Variants in HIVEP3 observed in about 807,000 individuals in gnomAD.
HIVEP3 encodes the protein transcription factor HIVEP3.
Under a neutral mutation model 152.8 loss-of-function variants are expected in HIVEP3, and 49 were observed. The observed-to-expected ratio is 0.32, with a 90% CI of 0.26 to 0.41. The LOEUF (loss-of-function observed/expected upper bound fraction) is 0.41. HIVEP3 is among the 10% of genes least tolerant of loss of function. The pLI is 1.00. For missense variants in HIVEP3, 2,790 were observed against 3,103.3 expected (o/e 0.90, Z 2.40); for synonymous variants, 1,269 against 1,289.0 (o/e 0.98, Z 0.33).
At chr1:41,978,773 G>C (rs4660592) in intron 1 of HIVEP3, among the ~76,000 whole-genome samples, 70,590 of 151,838 alleles carry the variant, frequency 0.46, 17,140 homozygotes, top group East Asian at 0.71. Flanking sequence ...GAGAAGCATG[G>C]GAGCCTTCCT....
intron 1 of HIVEP3, among the ~76,000 whole-genome samples, chr1:41,944,468 C>A (rs1645064167): frequency 6.6e-6 from 1 of 152,176 alleles, no homozygotes; most frequent in Non-Finnish European, 1.5e-5. Flanking sequence ...TACCTACACT[C>A]TCTCTGAAAC....
intron 1 of HIVEP3, among the ~76,000 whole-genome samples, chr1:41,701,414 G>A (rs150059126): frequency 7.5e-4 from 114 of 152,334 alleles, no homozygotes; most frequent in African/African-American, 2.4e-3. Flanking sequence ...AAATTGTTAG[G>A]TGTTGGTATC....
chr1:41,619,084 G>A (rs1291852205), intron 3 of HIVEP3, among the ~76,000 whole-genome samples: 1 of 151,886 alleles, frequency 6.6e-6, no homozygotes, highest in African/African-American at 2.4e-5. Context: ...GGCCTCCCAG[G>A]GCTTCTGGAT....
chr1:41,775,691 T>C (rs7550662), intron 1 of HIVEP3, among the ~76,000 whole-genome samples: 5,229 of 152,182 alleles, frequency 0.034, 303 homozygotes, highest in African/African-American at 0.12. Flanking sequence ...GGTTTCACCA[T>C]GTTGGCCAGG....
At chr1:41,693,165 C>T (rs2124112774) in intron 2 of HIVEP3, among the ~76,000 whole-genome samples, 1 of 152,342 alleles carries the variant, frequency 6.6e-6, no homozygotes, top group East Asian at 1.9e-4. Flanking sequence ...TGCTCTGCTG[C>T]TTTCCTACAC....
At chr1:41,528,112 CACACCCTT>C (rs1394945665) in intron 5 of HIVEP3, among the ~76,000 whole-genome samples, 4 of 146,416 alleles carry the variant, frequency 2.7e-5, no homozygotes, top group Non-Finnish European at 6.0e-5. Flanking sequence ...ACCCCACCCT[CACACCCTT>C]ACCCTCACCT....
chr1:41,604,796 A>G (rs1180782113), intron 3 of HIVEP3, among the ~76,000 whole-genome samples: 1 of 152,116 alleles, frequency 6.6e-6, no homozygotes, highest in Admixed American at 6.5e-5. Context: ...CGAAAAACCA[A>G]TCTTATGGTA....
intron 1 of HIVEP3, among the ~76,000 whole-genome samples, chr1:41,879,515 C>T (rs1225975534): frequency 2.0e-5 from 3 of 152,176 alleles, no homozygotes; most frequent in Non-Finnish European, 4.4e-5. Context: ...CAATTAAAGC[C>T]AATTCTGCTT....
chr1:41,739,298 A>C (rs190322328), intron 1 of HIVEP3, among the ~76,000 whole-genome samples: 123 of 152,278 alleles, frequency 8.1e-4, no homozygotes, highest in African/African-American at 2.8e-3. Flanking sequence ...GTTTCAGAGA[A>C]GTACTTGGAG....
At chr1:41,527,281 CCT>C (rs1643004949) in intron 5 of HIVEP3, among the ~76,000 whole-genome samples, 2 of 132,852 alleles carry the variant, frequency 1.5e-5, no homozygotes, top group African/African-American at 2.9e-5. Context: ...CCTCACACAC[CCT>C]CACATACACC....
In HIVEP3 at chr1:41,548,818, T is replaced by G. The variant is rs577756875; in HGVS notation, c.5208-23908A>C. On this transcript the variant is annotated intron_variant, in intron 5 of 8. Coordinates refer to ENST00000372583, the MANE Select transcript of HIVEP3 (RefSeq NM_024503.5). ...TCCCAAAGTGCTGGGATTACAGGAG[T>G]GCACCACTGCGCCCAGCCCTTGAAA... Among the ~76,000 whole-genome samples, 17 of 152,324 alleles carry G rather than the reference T, an allele frequency of 1.1e-4. No homozygotes were observed. The South Asian group carries it at 3.3e-3, about 30-fold the overall frequency.
Position 41,513,381 on chromosome 1 carries a change from A to G in HIVEP3, c.5840T>C (p.Leu1947Pro), listed in dbSNP as rs1270485820. 2 of 1,611,912 alleles carry G rather than the reference A, an allele frequency of 1.2e-6. No homozygotes were observed. Among genetic ancestry groups the G allele is most frequent in the African/African-American group, 2.7e-5 (2 of 74,888 alleles). Residue 1947 changes from leucine to proline, a missense_variant, in exon 8 of 9, where the codon CTG (leucine) becomes CCG (proline). Leu to Pro is a moderately conservative substitution (Grantham distance 98). Coordinates refer to ENST00000372583, the MANE Select transcript of HIVEP3 (RefSeq NM_024503.5). ...GCCTGTGTCTTTCTCCACAGAGCCC[A>G]GAGGGGCCGGTCCCAGCCAGGGGAG... is the stretch of plus-strand genomic sequence containing the variant. ...PGLPWLGPAPLGSVEKDTGSA... is the reference protein window; with the variant it reads ...PGLPWLGPAPPGSVEKDTGSA...
intron 1 of HIVEP3, among the ~76,000 whole-genome samples, chr1:41,796,308 C>T (rs553731669): frequency 6.6e-5 from 10 of 152,368 alleles, no homozygotes; most frequent in Non-Finnish European, 1.5e-4. Flanking sequence ...CCACGGCCAT[C>T]TGCCGGGACC....
chr1:41,819,483 T>C (rs985322007), intron 1 of HIVEP3, among the ~76,000 whole-genome samples: 5 of 152,202 alleles, frequency 3.3e-5, no homozygotes, highest in African/African-American at 1.2e-4. Context: ...ACTTCTTGAT[T>C]TGAGTTCTTC....
chr1:42,002,378 A>T (rs171161), intron 1 of HIVEP3, among the ~76,000 whole-genome samples: 8,819 of 152,162 alleles, frequency 0.058, 884 homozygotes, highest in African/African-American at 0.2. Context: ...TGGCTGTGTC[A>T]GTCGCGAAAG....
chr1:41,762,444 GC>G (rs1258292410), intron 1 of HIVEP3, among the ~76,000 whole-genome samples: 2 of 152,224 alleles, frequency 1.3e-5, no homozygotes, highest in Admixed American at 6.5e-5. Flanking sequence ...GGTCAGGCCA[GC>G]CCTGGATCCG....
At chr1:41,735,880 G>A (rs1207927737) in intron 1 of HIVEP3, among the ~76,000 whole-genome samples, 2 of 152,204 alleles carry the variant, frequency 1.3e-5, no homozygotes, top group Non-Finnish European at 1.5e-5. Flanking sequence ...AGGCTGGAGA[G>A]AGAAGGAAGC....
intron 2 of HIVEP3, among the ~76,000 whole-genome samples, chr1:41,686,833 G>C (rs1218616789): frequency 6.6e-6 from 1 of 152,206 alleles, no homozygotes; most frequent in Non-Finnish European, 1.5e-5. Flanking sequence ...GGAGCAGCAT[G>C]AGATTACAAT....
chr1:41,726,016 G>A (rs1384819293), intron 1 of HIVEP3, among the ~76,000 whole-genome samples: 1 of 152,218 alleles, frequency 6.6e-6, no homozygotes, highest in Non-Finnish European at 1.5e-5. Flanking sequence ...TCTGCAATCA[G>A]GAACCTTGGC....
Sources: allele counts gnomAD v4.1 joint callset (sites outside exome capture counted in the v4.1 genomes callset), GRCh38; gene constraint gnomAD v4.1.1; transcripts MANE v1.5; gene names NCBI Gene and HGNC (gene_info 2026-07-23, HGNC 2026-07-21).